CELF2: variants seen among roughly 807,000 people sequenced by gnomAD.
The protein encoded by CELF2 is CUGBP Elav-like family member 2.
CELF2 carries 8 observed loss-of-function variants against 62.6 expected under a neutral mutation model. The observed-to-expected ratio is 0.13, with a 90% CI of 0.07 to 0.23. The LOEUF is 0.23. Ranked by LOEUF, CELF2 falls within the 10% of genes least tolerant of loss-of-function variation. CELF2 has a pLI of 1.00. For missense variants in CELF2, 333 were observed against 671.0 expected (o/e 0.50, Z 5.56); for synonymous variants, 258 against 250.0 (o/e 1.03, Z -0.30).
intron 1 of CELF2, among the ~76,000 whole-genome samples, chr10:11,045,682 T>C (rs1036148086): frequency 4.6e-5 from 7 of 152,176 alleles, no homozygotes; most frequent in Admixed American, 3.9e-4. Flanking sequence ...GGGCTATAAG[T>C]AGAGCAATAA....
chr10:10,533,074 G>C, the CELF2 span, among the ~76,000 whole-genome samples: 3 of 152,160 alleles, frequency 2.0e-5, no homozygotes, highest in African/African-American at 7.2e-5. Context: ...AGAAGAAATA[G>C]TGCAGATGGC....
At chr10:10,848,359 C>T (rs11256864) in intron 1 of CELF2, among the ~76,000 whole-genome samples, 9,860 of 152,186 alleles carry the variant, frequency 0.065, 447 homozygotes, top group East Asian at 0.21. Context: ...ATGGCAACAG[C>T]GCCTTGAATA....
chr10:10,675,737 TC>T, the CELF2 span, among the ~76,000 whole-genome samples: 2 of 152,160 alleles, frequency 1.3e-5, no homozygotes, highest in Admixed American at 6.5e-5. Flanking sequence ...CCACCTCAGG[TC>T]CTCCAATAAG....
upstream of CELF2, among the ~76,000 whole-genome samples, chr10:11,002,941 A>C (rs1018634988): frequency 5.3e-5 from 8 of 152,228 alleles, no homozygotes; most frequent in African/African-American, 1.2e-4. This position sits in a 1 kb window ranked among gnomAD's most constrained non-coding sequence, Gnocchi z 4.4. Flanking sequence ...ATTAATTATC[A>C]GATAAGGGAA....
chr10:10,498,554 A>G, the CELF2 span, among the ~76,000 whole-genome samples: 1 of 152,332 alleles, frequency 6.6e-6, no homozygotes, highest in South Asian at 2.1e-4. Flanking sequence ...GGACCAGGTA[A>G]ATAGAGTCCA....
chr10:10,557,315 C>G, the CELF2 span, among the ~76,000 whole-genome samples: 2 of 151,574 alleles, frequency 1.3e-5, no homozygotes, highest in South Asian at 2.1e-4. Context: ...GCTGGTTTTT[C>G]TCAGGTTTCT....
At chr10:11,240,284 A>G (rs2073356191) in intron 3 of CELF2, among the ~76,000 whole-genome samples, 1 of 152,244 alleles carries the variant, frequency 6.6e-6, no homozygotes, top group Non-Finnish European at 1.5e-5. Flanking sequence ...GCCTTTTGAC[A>G]TGAATGATTG....
the CELF2 span, among the ~76,000 whole-genome samples, chr10:10,466,622 C>A: frequency 2.0e-5 from 3 of 152,056 alleles, no homozygotes; most frequent in Admixed American, 6.6e-5. Context: ...TAAGAAAAAA[C>A]CCAGCAGTTT....
intron 1 of CELF2, among the ~76,000 whole-genome samples, chr10:10,886,894 T>A (rs552755256): frequency 1.3e-5 from 2 of 152,208 alleles, no homozygotes; most frequent in East Asian, 1.9e-4. Flanking sequence ...ATAAGCTGTT[T>A]GTGGTATGCC....
At chr10:10,933,931 T>A (rs1220001969) in intron 2 of CELF2, among the ~76,000 whole-genome samples, 1 of 152,228 alleles carries the variant, frequency 6.6e-6, no homozygotes, top group Non-Finnish European at 1.5e-5. Flanking sequence ...CCTGACGTAT[T>A]GATTTCAATT....
chr10:11,005,291 A>G (rs761070531), upstream of CELF2: 1,384 of 1,553,194 alleles, frequency 8.9e-4, no homozygotes, highest in Non-Finnish European at 9.8e-4. This position sits in a 1 kb window ranked among gnomAD's most constrained non-coding sequence, Gnocchi z 4.3. Flanking sequence ...AGAGAGAGAG[A>G]GAGGGAGGAG....
At chr10:10,968,312 T>C (rs1409826260) in intron 2 of CELF2, among the ~76,000 whole-genome samples, 1 of 152,234 alleles carries the variant, frequency 6.6e-6, no homozygotes, top group African/African-American at 2.4e-5. Context: ...TTTCATTTTC[T>C]ATAAACAATC....
At chr10:10,578,270 C>A in the CELF2 span, among the ~76,000 whole-genome samples, 1 of 152,080 alleles carries the variant, frequency 6.6e-6, no homozygotes, top group Non-Finnish European at 1.5e-5. Flanking sequence ...AGCCCTTTGT[C>A]AGATGACTAG....
the CELF2 span, among the ~76,000 whole-genome samples, chr10:10,570,178 C>T: frequency 7.8e-4 from 119 of 152,232 alleles, no homozygotes; most frequent in Non-Finnish European, 1.5e-3. Context: ...GGGAGCAGAG[C>T]AGCAATGCCT....
intron 1 of CELF2, among the ~76,000 whole-genome samples, chr10:10,899,710 G>A (rs1011919940): frequency 2.0e-5 from 3 of 152,228 alleles, no homozygotes; most frequent in Non-Finnish European, 4.4e-5. Context: ...AGCATAGCTT[G>A]GGAGGCCCCA....
At chr10:11,000,917 G>T (rs1426704816), upstream of CELF2, among the ~76,000 whole-genome samples, 1 of 152,172 alleles carries the variant, frequency 6.6e-6, no homozygotes, top group Non-Finnish European at 1.5e-5. Context: ...CCCACTATTT[G>T]CAGACGTCAC....
intron 1 of CELF2, among the ~76,000 whole-genome samples, chr10:11,123,258 AT>A (rs199621293): frequency 6.6e-6 from 1 of 150,930 alleles, no homozygotes; most frequent in African/African-American, 2.4e-5. Context: ...TGATTTTTAA[AT>A]TTTTTTTTAG....
intron 1 of CELF2, among the ~76,000 whole-genome samples, chr10:10,887,448 T>G (rs549816564): frequency 6.6e-6 from 1 of 152,338 alleles, no homozygotes; most frequent in South Asian, 2.1e-4. Flanking sequence ...CATATTATTA[T>G]GACAGGGTGG....
chr10:10,898,815 T>C (rs1243314371), intron 1 of CELF2, among the ~76,000 whole-genome samples: 1 of 152,220 alleles, frequency 6.6e-6, no homozygotes, highest in Non-Finnish European at 1.5e-5. Flanking sequence ...TTCATTGTTT[T>C]TAAGTGCACA....
Sources: allele counts gnomAD v4.1 joint callset (sites outside exome capture counted in the v4.1 genomes callset), GRCh38; gene constraint gnomAD v4.1.1; non-coding constraint Gnocchi (gnomAD v3.1); transcripts MANE v1.5; gene names NCBI Gene and HGNC (gene_info 2026-07-23, HGNC 2026-07-21).